The following CCDC141 variants were observed in gnomAD, a reference collection of about 807,000 sequenced individuals.
CCDC141 encodes coiled-coil domain containing 141.
A neutral mutation model predicts 181.0 loss-of-function variants in CCDC141; 168 were observed. The observed-to-expected ratio is 0.93, with a 90% CI of 0.82 to 1.05. The LOEUF is 1.05. CCDC141 is among the 50% of genes least tolerant of loss of function. CCDC141 has a pLI of 0.00. For missense variants in CCDC141, 1,902 were observed against 1,788.5 expected, an observed-to-expected ratio of 1.06 and a Z score of -1.14; for synonymous variants, 666 against 642.3, an observed-to-expected ratio of 1.04 and a Z score of -0.56.
intron 22 of CCDC141, among the ~76,000 whole-genome samples, chr2:178,844,762 G>A (rs1181857201): frequency 6.6e-6 from 1 of 152,002 alleles, no homozygotes; most frequent in Non-Finnish European, 1.5e-5. Context: ...GAGGGTTTTT[G>A]TTTGTTTTTA....
rs139172162 is a variant in CCDC141 at position 178,960,951 on chromosome 2, G to A, written c.780+279C>T. The stretch of plus-strand genomic sequence containing the variant: ...CAACATGTCTAAAAGTAGTGACCTA[G>A]AAGGAAGGAAGAATCCAAAAATAGA... On this transcript the variant is annotated intron_variant, in intron 5 of 23. Transcript: ENST00000443758. Among the ~76,000 whole-genome samples, 193 of 152,278 alleles carry A rather than the reference G, an allele frequency of 1.3e-3. 1 individual carries two copies. The highest frequency in any genetic ancestry group is 2.4e-3 in the Non-Finnish European group (163 of 68,018).
At chr2:178,869,011 C>T (rs947421857) in intron 15 of CCDC141, 106 bp downstream of exon 15, 85 of 735,490 alleles carry the variant, frequency 1.2e-4, no homozygotes, top group Non-Finnish European at 1.6e-4. Flanking sequence ...GTGTAAACTT[C>T]TGATACTAGA....
chr2:178,870,540 C>T lies in CCDC141; in HGVS notation c.2205+887G>A, dbSNP rs145315301. On this transcript the variant is annotated intron_variant, in intron 14 of 23. Transcript: ENST00000443758. Reference sequence around the variant, plus strand: ...AGATAACGCAGGGTGTATTAAAGAGCCTAATATAGGCCAGTCACATTTGCT... The same window carrying T: ...AGATAACGCAGGGTGTATTAAAGAGTCTAATATAGGCCAGTCACATTTGCT... 2.6e-5 allele frequency among the ~76,000 whole-genome samples: 4 copies of T among 152,136 alleles called. No homozygotes were observed. In the East Asian group the frequency reaches 7.7e-4, roughly 29 times the overall value.
At chr2:178,876,496 G>C (rs1686363627) in intron 12 of CCDC141, 1 of 152,210 alleles carries the variant, frequency 6.6e-6, no homozygotes, top group African/African-American at 2.4e-5. Context: ...TCATTGATAA[G>C]ATACTAGGTA....
chr2:179,024,688 A>T (rs1406390611), intron 2 of CCDC141, among the ~76,000 whole-genome samples: 1 of 152,134 alleles, frequency 6.6e-6, no homozygotes. Context: ...CCTCAAACAC[A>T]CTGCTGTTTT....
At chr2:178,891,844 A>G (rs575860706) in intron 8 of CCDC141, among the ~76,000 whole-genome samples, 1 of 151,998 alleles carries the variant, frequency 6.6e-6, no homozygotes, top group East Asian at 1.9e-4. Context: ...GTGGTGATTT[A>G]TGCCTTATTA....
chr2:179,047,709 T>C (rs981142325), intron 1 of CCDC141, among the ~76,000 whole-genome samples: 4 of 152,236 alleles, frequency 2.6e-5, no homozygotes, highest in African/African-American at 7.2e-5. Flanking sequence ...TTACGTATTA[T>C]TGAATATTAT....
intron 2 of CCDC141, among the ~76,000 whole-genome samples, chr2:179,030,007 T>C (rs1264134167): frequency 2.0e-5 from 3 of 152,160 alleles, no homozygotes; most frequent in African/African-American, 7.2e-5. Flanking sequence ...GTATATGTAA[T>C]ATCCAGAGCA....
chr2:178,853,607 T>G lies in CCDC141; in HGVS notation c.3078A>C (p.Glu1026Asp). The G allele has an allele frequency of 1.9e-6, 3 of 1,612,058 alleles. No homozygotes were observed. The highest frequency in any genetic ancestry group is 2.5e-6 in the Non-Finnish European group (3 of 1,178,850). Residue 1026 changes from glutamate to aspartate, a missense_variant, in exon 20 of 24, where the codon GAA becomes GAC. By Grantham distance (45) the Glu-to-Asp change is conservative (BLOSUM62 2). Coordinates refer to ENST00000443758, the MANE Select transcript of CCDC141 (RefSeq NM_173648.4). ...EVIEECHFWY[E>D]DASATVVRVG... is the part of the protein sequence containing the mutation. The stretch of plus-strand genomic sequence containing the variant: ...CTCTTACAACTGTGGCACTTGCATC[T>G]TCGTACCAAAAATGACACTAAATTT...
intron 5 of CCDC141, 139 bp downstream of exon 5, chr2:178,961,091 T>C: frequency 1.2e-6 from 1 of 832,098 alleles, no homozygotes; most frequent in Non-Finnish European, 1.8e-6. Flanking sequence ...AACAACATGG[T>C]AGTTTGGATG....
chr2:178,879,359 TTTTTC>T (rs1464580637), intron 11 of CCDC141, among the ~76,000 whole-genome samples: 1 of 152,194 alleles, frequency 6.6e-6, no homozygotes, highest in African/African-American at 2.4e-5. Flanking sequence ...GATTTTCACA[TTTTTC>T]TTAATTTAAC....
At chr2:178,928,627 C>T (rs1688993326) in intron 6 of CCDC141, among the ~76,000 whole-genome samples, 2 of 152,154 alleles carry the variant, frequency 1.3e-5, no homozygotes, top group African/African-American at 2.4e-5. Context: ...AGCATTTAAA[C>T]TTAACGAGCT....
chr2:178,908,815 A>G (rs576192932), intron 7 of CCDC141, among the ~76,000 whole-genome samples: 1 of 152,366 alleles, frequency 6.6e-6, no homozygotes, highest in African/African-American at 2.4e-5. Context: ...TAAAGCTACT[A>G]TAACCTTAAT....
At chr2:178,884,102 C>T (rs1046956858) in intron 11 of CCDC141, among the ~76,000 whole-genome samples, 10 of 151,982 alleles carry the variant, frequency 6.6e-5, no homozygotes, top group Admixed American at 1.3e-4. Flanking sequence ...ATTTGTAGGA[C>T]GTAGTAAAAA....
intron 22 of CCDC141, among the ~76,000 whole-genome samples, chr2:178,844,541 C>G (rs1684856596): frequency 6.6e-6 from 1 of 152,102 alleles, no homozygotes; most frequent in African/African-American, 2.4e-5. Flanking sequence ...TCTCCTTTGC[C>G]TCAGAGAGGA....
intron 2 of CCDC141, among the ~76,000 whole-genome samples, chr2:179,038,226 C>T (rs1559064913): frequency 6.6e-6 from 1 of 152,030 alleles, no homozygotes; most frequent in Non-Finnish European, 1.5e-5. Flanking sequence ...ATGGGTGAAC[C>T]TTGAAAACAT....
Position 178,981,657 on chromosome 2 carries a change from T to TATATATATATATAC in CCDC141, c.226-2983_226-2982insGTATATATATATAT, listed in dbSNP as rs1553495348. ...GTGTGTATATATATATATATATATATACATACATATATACATATATATATA... is the reference window on the plus strand; with the variant it reads ...GTGTGTATATATATATATATATATATATATATATATATACACATACATATATACATATATATATA... On this transcript the variant is annotated intron_variant, in intron 2 of 23. Transcript: ENST00000443758. 1.3e-3 allele frequency among the ~76,000 whole-genome samples: 169 copies of TATATATATATATAC among 132,044 alleles called. 1 individual carries two copies. Among genetic ancestry groups the TATATATATATATAC allele is most frequent in the African/African-American group, 4.3e-3 (152 of 35,074 alleles). The allele number at this position is 132,044 out of a possible 152,430, so 86.6% of individuals were successfully genotyped here.
At chr2:178,828,139 G>A (rs571784999), downstream of CCDC141, among the ~76,000 whole-genome samples, 10 of 152,090 alleles carry the variant, frequency 6.6e-5, no homozygotes, top group African/African-American at 1.9e-4. Context: ...TACTGAACCC[G>A]GTAGAGTCCT....
chr2:178,922,445 C>A (rs1036568183), intron 6 of CCDC141, among the ~76,000 whole-genome samples: 1 of 152,120 alleles, frequency 6.6e-6, no homozygotes, highest in Non-Finnish European at 1.5e-5. Flanking sequence ...TTTTTCTCAT[C>A]AAAGAATGAT....
Sources: allele counts gnomAD v4.1 joint callset (sites outside exome capture counted in the v4.1 genomes callset), GRCh38; gene constraint gnomAD v4.1.1; transcripts MANE v1.5; gene names NCBI Gene and HGNC (gene_info 2026-07-23, HGNC 2026-07-21).